Variants in SYT1 observed in about 807,000 individuals in gnomAD.
SYT1 encodes synaptotagmin 1.
Under a neutral mutation model 44.8 loss-of-function variants are expected in SYT1, and 8 were observed. That is an observed-to-expected ratio of 0.18 (90% CI 0.10 to 0.32). The LOEUF (loss-of-function observed/expected upper bound fraction) is 0.32, where lower values mean the gene tolerates loss of function less well. Among genes scored for constraint, SYT1 ranks in the 10% least tolerant of loss-of-function variants. SYT1 has a pLI of 1.00. For synonymous variants in SYT1, 154 were observed against 188.8 expected (o/e 0.82, Z 1.51); for missense variants, 286 against 509.3 (o/e 0.56, Z 4.22).
intron 2 of SYT1, among the ~76,000 whole-genome samples, chr12:78,987,172 G>A (rs1462497101): frequency 6.6e-6 from 1 of 152,024 alleles, no homozygotes; most frequent in Non-Finnish European, 1.5e-5. Context: ...CCACTGTGAA[G>A]GCATTATATC....
intron 1 of SYT1, among the ~76,000 whole-genome samples, chr12:78,958,780 A>G (rs1477113529): frequency 6.6e-6 from 1 of 152,104 alleles, no homozygotes; most frequent in African/African-American, 2.4e-5. Flanking sequence ...AAAGGAAACC[A>G]CACTATGCTT....
At chr12:79,193,663 G>GGCTGCAGTGAGCTATGATCATGCC (rs569028891) in intron 3 of SYT1, among the ~76,000 whole-genome samples, 2,059 of 152,118 alleles carry the variant, frequency 0.014, 37 homozygotes, top group African/African-American at 0.047. Flanking sequence ...AGCAGTTCAA[G>GGCTGCAGTGAGCTATGATCATGCC]GCTGCAGTGA....
chr12:78,894,982 A>C (rs1179770938), intron 1 of SYT1, among the ~76,000 whole-genome samples: 3 of 151,708 alleles, frequency 2.0e-5, no homozygotes, highest in African/African-American at 7.2e-5. Context: ...TAGCCATTCC[A>C]CAATATATAC....
intron 8 of SYT1, among the ~76,000 whole-genome samples, chr12:79,313,859 C>A (rs537072797): frequency 7.0e-4 from 107 of 152,002 alleles, no homozygotes; most frequent in African/African-American, 2.5e-3. Flanking sequence ...TACTTGGCAC[C>A]AGAGAAGCTC....
chr12:79,240,432 G>T (rs1321630647), intron 4 of SYT1, among the ~76,000 whole-genome samples: 1 of 152,130 alleles, frequency 6.6e-6, no homozygotes, highest in Non-Finnish European at 1.5e-5. Flanking sequence ...TTATTATAGT[G>T]GTGATATCTT....
At chr12:79,089,097 G>C (rs920555323) in intron 3 of SYT1, among the ~76,000 whole-genome samples, 3 of 152,158 alleles carry the variant, frequency 2.0e-5, no homozygotes, top group East Asian at 3.9e-4. Flanking sequence ...AAAGAGAAAA[G>C]AATGTGAGAA....
At chr12:79,108,322 A>G (rs990648505) in intron 3 of SYT1, among the ~76,000 whole-genome samples, 6 of 152,102 alleles carry the variant, frequency 3.9e-5, no homozygotes, top group Non-Finnish European at 7.4e-5. Context: ...TACATCCAAT[A>G]TAACAAATGT....
intron 2 of SYT1, among the ~76,000 whole-genome samples, chr12:78,980,018 A>G (rs902807876): frequency 6.6e-6 from 1 of 152,166 alleles, no homozygotes; most frequent in East Asian, 1.9e-4. Context: ...TTATTAATAC[A>G]ACTAAATTGA....
chr12:78,903,443 T>C (rs1442312630), intron 1 of SYT1, among the ~76,000 whole-genome samples: 3 of 151,816 alleles, frequency 2.0e-5, no homozygotes. Flanking sequence ...CGCACCACCA[T>C]GCCCAGCTAA....
intron 4 of SYT1, among the ~76,000 whole-genome samples, chr12:79,262,871 A>G (rs1168626440): frequency 2.0e-5 from 3 of 152,168 alleles, no homozygotes; most frequent in South Asian, 2.1e-4. Flanking sequence ...TGATTTCCCT[A>G]CAAAACAAAT....
chr12:78,902,255 CAT>C (rs920917356), intron 1 of SYT1, among the ~76,000 whole-genome samples: 1 of 151,826 alleles, frequency 6.6e-6, no homozygotes. Flanking sequence ...CAATTACACA[CAT>C]AGTGTTGATC....
chr12:79,256,188 G>A (rs1413708096), intron 4 of SYT1, among the ~76,000 whole-genome samples: 4 of 152,194 alleles, frequency 2.6e-5, no homozygotes, highest in African/African-American at 9.7e-5. Flanking sequence ...ACATGATCAT[G>A]CAGGACAATG....
chr12:79,358,069 A>T (rs17005516), intron 9 of SYT1, among the ~76,000 whole-genome samples: 1 of 152,114 alleles, frequency 6.6e-6, no homozygotes, highest in African/African-American at 2.4e-5. Flanking sequence ...GTGTCATAGC[A>T]ATCACTTTCC....
chr12:79,448,637 TATATAA>T (rs1870864964), intron 10 of SYT1, among the ~76,000 whole-genome samples: 1 of 152,216 alleles, frequency 6.6e-6, no homozygotes. Context: ...TCAGACAGGT[TATATAA>T]CTTCTCAGAG....
rs1053500969 is a variant in SYT1 at position 79,224,937 on chromosome 12, G to A, written c.166+7252G>A. On this transcript the variant is annotated intron_variant, in intron 4 of 10. Transcript: ENST00000261205. ...TGGGATTACAGGCATACACCACCAC[G>A]CCTGGCTAATTTTTTGTATTTTTAG... 2.6e-5 allele frequency among the ~76,000 whole-genome samples: 4 copies of A among 151,678 alleles called. No homozygotes were observed. The East Asian group carries it at 7.8e-4, about 30-fold the overall frequency.
At chr12:79,215,688 C>A (rs964405830) in intron 3 of SYT1, among the ~76,000 whole-genome samples, 1 of 151,936 alleles carries the variant, frequency 6.6e-6, no homozygotes, top group Admixed American at 6.6e-5. Context: ...GAGCAAGACC[C>A]TATCTCATAA....
At chr12:79,418,522 T>C (rs1868898466) in intron 9 of SYT1, among the ~76,000 whole-genome samples, 1 of 152,138 alleles carries the variant, frequency 6.6e-6, no homozygotes, top group Admixed American at 6.6e-5. Flanking sequence ...CAATTATCTT[T>C]GTGACCTTGT....
chr12:79,361,659 G>GA, intron 9 of SYT1, among the ~76,000 whole-genome samples: 1 of 152,278 alleles, frequency 6.6e-6, no homozygotes, highest in Non-Finnish European at 1.5e-5. Flanking sequence ...TTTTATGCTG[G>GA]AAAGGACTGT....
chr12:79,420,509 A>ATATATATATATATATATAAC (rs1869041342), intron 9 of SYT1, among the ~76,000 whole-genome samples: 1 of 152,130 alleles, frequency 6.6e-6, no homozygotes, highest in South Asian at 2.1e-4. Context: ...AAGGACAGAC[A>ATATATATATATATATATAAC]ATATAACACT....
Sources: gnomAD v4.1 joint callset for allele counts (sites outside exome capture counted in the v4.1 genomes callset) on GRCh38, gnomAD v4.1.1 for gene constraint, MANE v1.5 for transcripts, NCBI Gene and HGNC (gene_info 2026-07-23, HGNC 2026-07-21) for gene names.